NCAPH: variants seen among roughly 807,000 people sequenced by gnomAD.
The protein encoded by NCAPH is condensin complex subunit 2.
NCAPH carries 38 observed loss-of-function variants against 85.5 expected under a neutral mutation model. That is an observed-to-expected ratio of 0.44 (90% CI 0.34 to 0.58). NCAPH has a LOEUF of 0.58. NCAPH is among the 20% of genes least tolerant of loss of function. NCAPH has a pLI of 0.01. For missense variants in NCAPH, 789 were observed against 916.6 expected, an observed-to-expected ratio of 0.86 and a Z score of 1.80; for synonymous variants, 301 against 335.1, an observed-to-expected ratio of 0.90 and a Z score of 1.11.
rs780306814 is a variant in NCAPH, at chr2:96,343,705, GT to G, written c.596-386del. Among the ~76,000 whole-genome samples the G allele has an allele frequency of 5.5e-3, 755 of 137,390 alleles. 1 individual carries two copies. Among genetic ancestry groups the G allele is most frequent in the Non-Finnish European group, 7.1e-3 (444 of 62,696 alleles). The allele number at this position is 137,390 out of a possible 152,430, so 90.1% of individuals were successfully genotyped here. On this transcript the variant is annotated intron_variant, in intron 5 of 17. Coordinates refer to ENST00000240423, the MANE Select transcript of NCAPH (RefSeq NM_015341.5). ...TTTGTTTGGTTGGGGTTGGAGTTTT[GT>G]TTTTTTTTTTTTTGAAACGAGGCTC...
chr2:96,375,918 A>G lies in NCAPH; in HGVS notation c.*2567A>G, dbSNP rs1573105218. On this transcript the variant is annotated 3_prime_UTR_variant, in exon 18 of 18. Coordinates refer to ENST00000240423, the MANE Select transcript of NCAPH (RefSeq NM_015341.5). ...GGTCGATATGAATATTTGCCACCTC[A>G]GGGTGCCACAAAGGTCCCCACCAGC... 1.3e-5 allele frequency among the ~76,000 whole-genome samples: 2 copies of G among 152,290 alleles called. No homozygotes were observed. The highest frequency in any genetic ancestry group is 2.1e-4 in the South Asian group (1 of 4,816).
At chr2:96,369,526 G>A (rs772418392) in intron 17 of NCAPH, 26 bp downstream of exon 17, 20 of 1,580,558 alleles carry the variant, frequency 1.3e-5, no homozygotes, top group Non-Finnish European at 1.7e-5. Flanking sequence ...AAGCATGGGA[G>A]TATTAGAGTA....
At chr2:96,357,371 T>G (rs1278357887) in intron 9 of NCAPH, among the ~76,000 whole-genome samples, 4 of 152,178 alleles carry the variant, frequency 2.6e-5, no homozygotes, top group African/African-American at 9.7e-5. Flanking sequence ...GGTGGATTCA[T>G]TTAGTTGTTG....
At chr2:96,336,262 T>C (rs762607723) in intron 1 of NCAPH, among the ~76,000 whole-genome samples, 4 of 152,222 alleles carry the variant, frequency 2.6e-5, no homozygotes, top group Non-Finnish European at 5.9e-5. Flanking sequence ...CATGCATTTA[T>C]TTTTGCATCT....
chr2:96,368,825 T>G, intron 15 of NCAPH, 147 bp from the exon 16 acceptor site: 1 of 652,788 alleles, frequency 1.5e-6, no homozygotes, highest in Non-Finnish European at 2.6e-6. Context: ...CTGGTTCTCT[T>G]TGTAGATCCT....
At chr2:96,363,488 T>C (rs1203892897) in intron 12 of NCAPH, among the ~76,000 whole-genome samples, 1 of 152,214 alleles carries the variant, frequency 6.6e-6, no homozygotes, top group Admixed American at 6.5e-5. Context: ...ACAAGCACAT[T>C]GTGGGTTTAT....
chr2:96,352,118 G>A (rs1329163841), intron 7 of NCAPH, 98 bp downstream of exon 7: 2 of 1,253,468 alleles, frequency 1.6e-6, no homozygotes, highest in African/African-American at 3.0e-5. Context: ...CTCTTATGTT[G>A]CTTAAATTAC....
At position 96,360,588 on chromosome 2, in the gene NCAPH, G is replaced by T; in HGVS notation, c.1465G>T (p.Ala489Ser). 1 of 1,613,110 alleles carries T rather than the reference G, an allele frequency of 6.2e-7. No individual in the cohort carries two copies. Among genetic ancestry groups the T allele is most frequent in the Non-Finnish European group, 8.5e-7 (1 of 1,179,700 alleles). ...DFDVYFRKTK[A>S]ATILTKSTLE... ...ACACTTTTTTTAAAAAAATTAATAGGCTGCTACTATTCTGACCAAGTCCAC... is the reference window on the plus strand; with the variant it reads ...ACACTTTTTTTAAAAAAATTAATAGTCTGCTACTATTCTGACCAAGTCCAC... Residue 489 changes from alanine (A) to serine (S), a missense_variant and splice_region_variant, in exon 12 of 18, where the codon GCT becomes TCT. Ala to Ser is a moderately conservative substitution (Grantham distance 99). Transcript: ENST00000240423.
chr2:96,371,528 C>T (rs1039826525), intron 17 of NCAPH, among the ~76,000 whole-genome samples: 12 of 152,126 alleles, frequency 7.9e-5, no homozygotes, highest in South Asian at 2.1e-4. Context: ...CGTGCTGCTC[C>T]GACTCCAGCT....
chr2:96,354,497 C>T (rs867609174), intron 9 of NCAPH, 109 bp downstream of exon 9: 4 of 994,062 alleles, frequency 4.0e-6, no homozygotes, highest in Middle Eastern at 3.5e-4. Context: ...TTTTTCCCCC[C>T]CCAAAAATAG....
Position 96,369,068 on chromosome 2 carries a change from G to C in NCAPH, c.2090+5G>C. On this transcript the variant is annotated splice_donor_5th_base_variant and intron_variant, in intron 16 of 17. Coordinates refer to ENST00000240423, the MANE Select transcript of NCAPH (RefSeq NM_015341.5). Reference sequence around the variant, plus strand: ...CACGAAGGACCTGCAGAGGAGGTGCGGGCTGGCAGGCATGGGGGCTTTGTT... The same window carrying C: ...CACGAAGGACCTGCAGAGGAGGTGCCGGCTGGCAGGCATGGGGGCTTTGTT... The C allele has an allele frequency of 6.4e-7, 1 of 1,553,396 alleles. No homozygotes were observed. The highest frequency in any genetic ancestry group is 8.7e-7 in the Non-Finnish European group (1 of 1,147,870).
At position 96,343,253 on chromosome 2, in the gene NCAPH, G is replaced by A. The variant is rs2064319425; in HGVS notation, c.544G>A (p.Gly182Arg). 6.2e-7 allele frequency: 1 copy of A among 1,613,650 alleles called. No homozygotes were observed. The highest frequency in any genetic ancestry group is 8.5e-7 in the Non-Finnish European group (1 of 1,179,808). Residue 182 changes from glycine to arginine, a missense_variant, in exon 5 of 18, where the codon GGG (glycine) becomes AGG (arginine). Physicochemically the swap from Gly to Arg is moderately radical, Grantham distance 125. Coordinates refer to ENST00000240423, the MANE Select transcript of NCAPH (RefSeq NM_015341.5). ...VHADVYRVLG[G>R]LGKDAPSLEE... ...TGCCGATGTATACAGAGTCCTTGGG[G>A]GGCTGGGCAAAGATGCACCGTCTTT...
chr2:96,366,092 G>C lies in NCAPH; in HGVS notation c.1881+34G>C, dbSNP rs6759661. The C allele has an allele frequency of 5.2e-4, 840 of 1,602,150 alleles. 7 individuals are homozygous for C. In the African/African-American group the frequency reaches 0.01, roughly 20 times the overall value. ...GAAACAGCTGAGAATTACATTGTTT[G>C]CCTGAAATCTATTTAATTGTCTCTT... On this transcript the variant is annotated intron_variant, in intron 14 of 17. Coordinates refer to ENST00000240423, the MANE Select transcript of NCAPH (RefSeq NM_015341.5).
intron 1 of NCAPH, among the ~76,000 whole-genome samples, chr2:96,338,173 C>T (rs1421433177): frequency 1.3e-5 from 2 of 149,888 alleles, no homozygotes; most frequent in East Asian, 2.0e-4. Context: ...GTGATCCTCC[C>T]ACCTTGGCCT....
chr2:96,335,885 C>A (rs1424137637), intron 1 of NCAPH, 37 bp downstream of exon 1: 4 of 1,440,454 alleles, frequency 2.8e-6, no homozygotes, highest in Non-Finnish European at 3.6e-6. Context: ...CGGGAAGGGC[C>A]CCTAGCGAAG....
Position 96,366,040 on chromosome 2 carries a change from G to C in NCAPH, c.1863G>C (p.Leu621Phe), listed in dbSNP as rs2064694020. 1.2e-6 allele frequency: 2 copies of C among 1,614,182 alleles called. No individual in the cohort carries two copies. Among genetic ancestry groups the C allele is most frequent in the East Asian group, 4.5e-5 (2 of 44,896 alleles). The change falls in exon 14 of 18, where the codon TTG becomes TTC. Residue 621 changes from leucine to phenylalanine, a missense_variant. Coordinates refer to ENST00000240423, the MANE Select transcript of NCAPH (RefSeq NM_015341.5). The part of the protein sequence containing the change: ...LDITTYGESN[L>F]VAEPQKVNKI... ...TCACAACATATGGGGAGTCAAACTT[G>C]GTAGCTGAGCCTCAGAAGGTACGGA...
chr2:96,340,883 A>G (rs2064285447), intron 1 of NCAPH, among the ~76,000 whole-genome samples: 1 of 150,150 alleles, frequency 6.7e-6, no homozygotes, highest in Non-Finnish European at 1.5e-5. Flanking sequence ...TTGTGATATC[A>G]TTTAACTTGT....
intron 6 of NCAPH, among the ~76,000 whole-genome samples, 164 bp from the exon 7 acceptor site, chr2:96,351,667 C>CAAAAAAAAAAA: frequency 1.8e-5 from 1 of 54,234 alleles, no homozygotes. Context: ...GACTCCATCT[C>CAAAAAAAAAAA]AAAAAAAAAA....
chr2:96,339,563 C>G (rs2064263255), intron 1 of NCAPH, among the ~76,000 whole-genome samples: 1 of 150,666 alleles, frequency 6.6e-6, no homozygotes, highest in South Asian at 2.1e-4. Flanking sequence ...TGCACTCCAG[C>G]CTGGGGGACA....
Sources: allele counts gnomAD v4.1 joint callset (sites outside exome capture counted in the v4.1 genomes callset), GRCh38; gene constraint gnomAD v4.1.1; transcripts MANE v1.5; gene names NCBI Gene and HGNC (gene_info 2026-07-23, HGNC 2026-07-21).